Variants in RABGAP1L observed in about 807,000 individuals in gnomAD.
RABGAP1L encodes RAB GTPase activating protein 1 like.
In RABGAP1L, 63 loss-of-function variants were observed where a neutral mutation model predicts 137.7. The observed-to-expected ratio is 0.46, with a 90% confidence interval of 0.37 to 0.56. The LOEUF (loss-of-function observed/expected upper bound fraction) is 0.56, where lower values mean the gene tolerates loss of function less well. Ranked by LOEUF, RABGAP1L falls within the 20% of genes least tolerant of loss-of-function variation. The pLI is 0.00. For missense variants in RABGAP1L, 1,095 were observed against 1,244.0 expected, an observed-to-expected ratio of 0.88 and a Z score of 1.80; for synonymous variants, 431 against 433.7, an observed-to-expected ratio of 0.99 and a Z score of 0.08.
chr1:174,605,262 T>G (rs1337794536), intron 13 of RABGAP1L, among the ~76,000 whole-genome samples: 1 of 152,206 alleles, frequency 6.6e-6, no homozygotes, highest in Non-Finnish European at 1.5e-5. Context: ...GACCCTCTGA[T>G]GAAGCTTTCC....
At chr1:174,413,655 T>A (rs1308918887) in intron 13 of RABGAP1L, among the ~76,000 whole-genome samples, 1 of 152,146 alleles carries the variant, frequency 6.6e-6, no homozygotes, top group East Asian at 1.9e-4. Context: ...ATTTTATTTT[T>A]TCTGTACCCT....
intron 13 of RABGAP1L, among the ~76,000 whole-genome samples, chr1:174,437,640 ACT>A (rs886974853): frequency 7.7e-4 from 117 of 152,328 alleles, no homozygotes; most frequent in Admixed American, 1.7e-3. Context: ...GTTGGAAAAC[ACT>A]CTGCAGGATA....
chr1:174,403,397 A>G (rs1180071418), intron 13 of RABGAP1L, among the ~76,000 whole-genome samples: 1 of 151,738 alleles, frequency 6.6e-6, no homozygotes, highest in Non-Finnish European at 1.5e-5. Context: ...TTTAAGTGCT[A>G]GTGTTTGATA....
At chr1:174,265,581 CAT>C (rs1426392023) in intron 7 of RABGAP1L, among the ~76,000 whole-genome samples, 3 of 149,010 alleles carry the variant, frequency 2.0e-5, no homozygotes, top group Non-Finnish European at 4.5e-5. Flanking sequence ...GGAAAGCACT[CAT>C]ATTTGAGTTA....
chr1:174,176,713 G>GGAAAAAAAAAAA (rs1232596038), intron 1 of RABGAP1L, among the ~76,000 whole-genome samples: 1 of 21,546 alleles, frequency 4.6e-5, no homozygotes, highest in African/African-American at 1.4e-4. Context: ...CCCTTTTTCA[G>GGAAAAAAAAAAA]AAAAAAAAAA....
intron 13 of RABGAP1L, among the ~76,000 whole-genome samples, chr1:174,629,165 G>A (rs1287130455): frequency 1.3e-5 from 2 of 152,304 alleles, no homozygotes; most frequent in East Asian, 3.9e-4. Context: ...GAGTGAGTGA[G>A]TGAATTTGGA....
At chr1:174,452,559 T>TTTTG (rs3058900) in intron 13 of RABGAP1L, among the ~76,000 whole-genome samples, 52,825 of 150,824 alleles carry the variant, frequency 0.35, 11,822 homozygotes, top group African/African-American at 0.64. Flanking sequence ...TTGTTTTGTT[T>TTTTG]TTTGTTTGTT....
intron 19 of RABGAP1L, among the ~76,000 whole-genome samples, chr1:174,835,833 C>T (rs1396899288): frequency 1.3e-5 from 2 of 152,084 alleles, no homozygotes; most frequent in African/African-American, 4.8e-5. Flanking sequence ...TATATTTCTT[C>T]CTTTGGTCTG....
chr1:174,873,998 A>G (rs770987291), intron 19 of RABGAP1L, among the ~76,000 whole-genome samples: 5 of 152,200 alleles, frequency 3.3e-5, no homozygotes, highest in Non-Finnish European at 7.3e-5. Flanking sequence ...TATTTGACTC[A>G]TAGTATGACC....
intron 15 of RABGAP1L, among the ~76,000 whole-genome samples, chr1:174,689,339 A>T (rs1678710189): frequency 6.6e-6 from 1 of 151,642 alleles, no homozygotes; most frequent in African/African-American, 2.4e-5. Flanking sequence ...ATATATATAT[A>T]TTTATAACAT....
Position 174,442,048 on chromosome 1 carries a change from T to C in RABGAP1L, c.1710+47903T>C, listed in dbSNP as rs564288377. On this transcript the variant is annotated intron_variant, in intron 13 of 25. Transcript: ENST00000681986. The stretch of plus-strand genomic sequence containing the variant: ...TTAGTATGTGAAATTTTCTGAATGA[T>C]ATTTTTTGCCATTTTCCTAATTTTA... 1.2e-4 allele frequency among the ~76,000 whole-genome samples: 18 copies of C among 152,146 alleles called. No individual in the cohort carries two copies. In the East Asian group the frequency reaches 2.7e-3, roughly 23 times the overall value.
At position 174,393,905 on chromosome 1, in the gene RABGAP1L, A is replaced by T. The variant is rs1571592355; in HGVS notation, c.1560-90A>T. On this transcript the variant is annotated intron_variant, in intron 12 of 25. Coordinates refer to ENST00000681986, the MANE Select transcript of RABGAP1L (RefSeq NM_001366446.1). ...CTGTTTTCTCTTGACCCAAGCTTAC[A>T]CTTTTATATAAACTAGTATACTTTT... is the stretch of plus-strand genomic sequence containing the variant. 4.2e-6 allele frequency: 6 copies of T among 1,418,422 alleles called. No individual in the cohort carries two copies. The East Asian group carries it at 1.4e-4, about 33-fold the overall frequency. The allele number at this position is 1,418,422 out of a possible 1,614,324, so 87.9% of individuals were successfully genotyped here. A position where few individuals can be genotyped will look rare whatever the true frequency, so the allele number is the denominator to read the frequency against.
intron 19 of RABGAP1L, among the ~76,000 whole-genome samples, chr1:174,868,830 C>T (rs1293550627): frequency 6.6e-6 from 1 of 152,130 alleles, no homozygotes; most frequent in Non-Finnish European, 1.5e-5. Flanking sequence ...GACTTCACCT[C>T]CACTAACCTG....
intron 18 of RABGAP1L, among the ~76,000 whole-genome samples, chr1:174,772,561 C>A (rs1360535545): frequency 8.7e-6 from 1 of 114,672 alleles, no homozygotes; most frequent in African/African-American, 3.3e-5. Context: ...GAGCAAGACT[C>A]CATCTCAAAA....
chr1:174,342,740 A>ATT (rs199628685), intron 11 of RABGAP1L, among the ~76,000 whole-genome samples: 9 of 143,370 alleles, frequency 6.3e-5, no homozygotes, highest in Non-Finnish European at 1.2e-4. Flanking sequence ...TCTCAGAAGA[A>ATT]TTTTTTTTTT....
intron 19 of RABGAP1L, among the ~76,000 whole-genome samples, chr1:174,932,560 G>C (rs1027213463): frequency 1.8e-4 from 28 of 152,108 alleles, no homozygotes; most frequent in African/African-American, 6.5e-4. Flanking sequence ...TGCTTACTCT[G>C]ATCATTTGAC....
intron 15 of RABGAP1L, among the ~76,000 whole-genome samples, chr1:174,685,357 A>G (rs577255268): frequency 6.6e-6 from 1 of 151,898 alleles, no homozygotes; most frequent in Non-Finnish European, 1.5e-5. Context: ...TGTTCACTCC[A>G]TTCTCCTGCC....
chr1:174,773,183 T>TGTGTGTGTGTGTGTGTGTG (rs1558063939), intron 18 of RABGAP1L, among the ~76,000 whole-genome samples: 5 of 145,668 alleles, frequency 3.4e-5, no homozygotes, highest in Admixed American at 6.9e-5. Context: ...TGTGTGTGTG[T>TGTGTGTGTGTGTGTGTGTG]TTATTTTAAA....
Position 174,854,715 on chromosome 1 carries a change from C to CTTTTTTTTTTTTTTTTTTTTTTTTTTT in RABGAP1L, c.2340+42774_2340+42800dup, listed in dbSNP as rs71117584. On this transcript the variant is annotated intron_variant, in intron 19 of 25. Coordinates refer to ENST00000681986, the MANE Select transcript of RABGAP1L (RefSeq NM_001366446.1). Reference sequence around the variant, plus strand: ...AACTGCAATAGACTCAATATAAATGCTTTTTTTTTTTTTTTTTTTTTTTTT... The same window carrying CTTTTTTTTTTTTTTTTTTTTTTTTTTT: ...AACTGCAATAGACTCAATATAAATGCTTTTTTTTTTTTTTTTTTTTTTTTTTTTTTTTTTTTTTTTTTTTTTTTTTTT... Among the ~76,000 whole-genome samples, 7 of 56,870 alleles carry CTTTTTTTTTTTTTTTTTTTTTTTTTTT rather than the reference C, an allele frequency of 1.2e-4. 2 individuals are homozygous for CTTTTTTTTTTTTTTTTTTTTTTTTTTT. Among genetic ancestry groups the CTTTTTTTTTTTTTTTTTTTTTTTTTTT allele is most frequent in the Non-Finnish European group, 2.0e-4 (6 of 29,356 alleles). 37.3% of individuals were successfully genotyped at this position (56,870 alleles called of 152,430 possible). A position where few individuals can be genotyped will look rare whatever the true frequency, so the allele number is the denominator to read the frequency against.
Sources: gnomAD v4.1 joint callset for allele counts (sites outside exome capture counted in the v4.1 genomes callset) on GRCh38, gnomAD v4.1.1 for gene constraint, MANE v1.5 for transcripts, NCBI Gene and HGNC (gene_info 2026-07-23, HGNC 2026-07-21) for gene names.